The following SLC8A3 variants were observed in gnomAD, a reference collection of about 807,000 sequenced individuals.
The protein encoded by SLC8A3 is sodium/calcium exchanger 3.
SLC8A3 carries 37 observed loss-of-function variants against 65.4 expected under a neutral mutation model. The observed-to-expected ratio is 0.57, with a 90% CI of 0.44 to 0.74. The LOEUF is 0.74. Among genes scored for constraint, SLC8A3 ranks in the 30% least tolerant of loss-of-function variants. The pLI is 0.00. For synonymous variants in SLC8A3, 461 were observed against 444.5 expected (o/e 1.04, Z -0.47); for missense variants, 1,112 against 1,172.1 (o/e 0.95, Z 0.75).
chr14:70,119,598 C>T (rs1893906515), intron 2 of SLC8A3, among the ~76,000 whole-genome samples: 1 of 152,204 alleles, frequency 6.6e-6, no homozygotes, highest in Non-Finnish European at 1.5e-5. Context: ...GTGGCTGATG[C>T]ATTTTCTCAG....
chr14:70,138,409 C>T (rs950354488), intron 2 of SLC8A3, among the ~76,000 whole-genome samples: 4 of 152,192 alleles, frequency 2.6e-5, no homozygotes, highest in Non-Finnish European at 5.9e-5. Flanking sequence ...AATTATTATG[C>T]ATGCTTCCCA....
At chr14:70,106,358 C>G (rs1892873547) in intron 2 of SLC8A3, among the ~76,000 whole-genome samples, 1 of 152,056 alleles carries the variant, frequency 6.6e-6, no homozygotes, top group Non-Finnish European at 1.5e-5. Flanking sequence ...AGAAAATATT[C>G]TTGGAAAATG....
At chr14:70,171,705 C>G (rs1055184014) in intron 1 of SLC8A3, among the ~76,000 whole-genome samples, 9 of 152,072 alleles carry the variant, frequency 5.9e-5, no homozygotes, top group African/African-American at 2.2e-4. Context: ...GAGGCTGAGG[C>G]AAAAGAATGG....
chr14:70,133,830 C>A (rs1566801849), intron 2 of SLC8A3, among the ~76,000 whole-genome samples: 1 of 152,082 alleles, frequency 6.6e-6, no homozygotes, highest in Non-Finnish European at 1.5e-5. Context: ...AAGAGAAAGC[C>A]CTGGTCATGT....
intron 2 of SLC8A3, 53 bp from the exon 3 acceptor site, chr14:70,060,992 G>A (rs1888743378): frequency 5.2e-6 from 4 of 773,056 alleles, no homozygotes; most frequent in South Asian, 1.8e-5. Context: ...AGATTGGTTG[G>A]TCACCTGGAG....
chr14:70,061,274 GC>G (rs1888768806), intron 2 of SLC8A3, among the ~76,000 whole-genome samples: 1 of 152,076 alleles, frequency 6.6e-6, no homozygotes, highest in Admixed American at 6.5e-5. Flanking sequence ...TTTAGACCTT[GC>G]CAACAGTTAG....
chr14:70,057,791 A>C (rs1011524603), intron 3 of SLC8A3, among the ~76,000 whole-genome samples: 1 of 152,176 alleles, frequency 6.6e-6, no homozygotes, highest in African/African-American at 2.4e-5. Context: ...AGCTGGAAAG[A>C]GCATAGGACT....
At position 70,166,715 on chromosome 14, in the gene SLC8A3, C is replaced by T; in HGVS notation, c.1708G>A (p.Glu570Lys). Residue 570 changes from glutamate to lysine, a missense_variant, in exon 2 of 7, where the codon GAA becomes AAA. Transcript: ENST00000356921. ...GTVIVPFRTV[E>K]GTAKGGGEDF... ...TCACCGCCACCCTTGGCTGTCCCTTCTACTGTCCTAAAGGGGACGATGACT... is the reference window on the plus strand; with the variant it reads ...TCACCGCCACCCTTGGCTGTCCCTTTTACTGTCCTAAAGGGGACGATGACT... 2 of 1,614,090 alleles carry T rather than the reference C, an allele frequency of 1.2e-6. No individual in the cohort carries two copies. Among genetic ancestry groups the T allele is most frequent in the Non-Finnish European group, 8.5e-7 (1 of 1,179,936 alleles).
chr14:70,185,505 C>T (rs138731904), intron 1 of SLC8A3, among the ~76,000 whole-genome samples: 11 of 152,332 alleles, frequency 7.2e-5, no homozygotes, highest in African/African-American at 2.4e-4. Flanking sequence ...GGTCCCATCC[C>T]CTGGGGGAGC....
chr14:70,062,673 A>C (rs1244559799), intron 2 of SLC8A3, among the ~76,000 whole-genome samples: 2 of 152,202 alleles, frequency 1.3e-5, no homozygotes, highest in Non-Finnish European at 2.9e-5. Flanking sequence ...ACGACTGTAC[A>C]TTTTTATTAC....
chr14:70,183,086 T>C (rs891397915), intron 1 of SLC8A3, among the ~76,000 whole-genome samples: 5 of 152,188 alleles, frequency 3.3e-5, no homozygotes, highest in Non-Finnish European at 5.9e-5. Flanking sequence ...ATTTGGAAAT[T>C]ATCACATGGA....
At chr14:70,157,906 A>C (rs17107878) in intron 2 of SLC8A3, among the ~76,000 whole-genome samples, 5 of 152,212 alleles carry the variant, frequency 3.3e-5, no homozygotes, top group African/African-American at 1.2e-4. Flanking sequence ...AGGCTTTCTT[A>C]AGGGATCCTT....
At chr14:70,068,309 C>A (rs981733147) in intron 2 of SLC8A3, among the ~76,000 whole-genome samples, 5 of 152,144 alleles carry the variant, frequency 3.3e-5, no homozygotes, top group Non-Finnish European at 5.9e-5. Context: ...AGGAAGAATT[C>A]TAAGATAATA....
At chr14:70,071,664 C>T (rs1890027131) in intron 2 of SLC8A3, among the ~76,000 whole-genome samples, 2 of 152,186 alleles carry the variant, frequency 1.3e-5, no homozygotes, top group Admixed American at 1.3e-4. Context: ...TGATTTCAGT[C>T]TCACGAGAAC....
intron 1 of SLC8A3, among the ~76,000 whole-genome samples, chr14:70,171,814 G>A (rs913180012): frequency 6.6e-6 from 1 of 152,008 alleles, no homozygotes; most frequent in African/African-American, 2.4e-5. Flanking sequence ...AACAAAAAAA[G>A]AAAAAGAAAA....
chr14:70,172,213 T>G (rs913124826), intron 1 of SLC8A3, among the ~76,000 whole-genome samples: 1 of 152,084 alleles, frequency 6.6e-6, no homozygotes, highest in Admixed American at 6.6e-5. Context: ...CATCTACAAG[T>G]GTTTATTATT....
chr14:70,169,440 C>G (rs935237476), intron 1 of SLC8A3, among the ~76,000 whole-genome samples: 1 of 152,104 alleles, frequency 6.6e-6, no homozygotes, highest in Non-Finnish European at 1.5e-5. Flanking sequence ...TGGAAAGGAA[C>G]AAGTGGTAAA....
intron 5 of SLC8A3, among the ~76,000 whole-genome samples, chr14:70,050,772 G>A (rs1269072860): frequency 1.3e-5 from 2 of 152,170 alleles, no homozygotes; most frequent in African/African-American, 2.4e-5. Context: ...AGGACATTGA[G>A]GTCAGAGAGG....
chr14:70,084,016 T>C (rs1216911613), intron 2 of SLC8A3, among the ~76,000 whole-genome samples: 1 of 152,228 alleles, frequency 6.6e-6, no homozygotes, highest in Non-Finnish European at 1.5e-5. Flanking sequence ...CACTTATAGC[T>C]GAATAACATT....
Sources: gnomAD v4.1 joint callset for allele counts (sites outside exome capture counted in the v4.1 genomes callset) on GRCh38, gnomAD v4.1.1 for gene constraint, MANE v1.5 for transcripts, NCBI Gene and HGNC (gene_info 2026-07-23, HGNC 2026-07-21) for gene names.